TMPRSS7: variants seen among roughly 807,000 people sequenced by gnomAD.
TMPRSS7 encodes the protein transmembrane protease serine 7.
A neutral mutation model predicts 95.6 loss-of-function variants in TMPRSS7; 81 were observed. That is an observed-to-expected ratio of 0.85 (90% CI 0.71 to 1.02). The LOEUF is 1.02. Ranked by LOEUF, TMPRSS7 falls within the 50% of genes least tolerant of loss-of-function variation. The pLI, the probability that TMPRSS7 is intolerant of heterozygous loss-of-function variation, is 0.00. For synonymous variants in TMPRSS7, 364 were observed against 337.8 expected, an observed-to-expected ratio of 1.08 and a Z score of -0.85; for missense variants, 945 against 955.2, an observed-to-expected ratio of 0.99 and a Z score of 0.14.
intron 11 of TMPRSS7, among the ~76,000 whole-genome samples, chr3:112,062,860 A>G (rs891682159): frequency 1.2e-4 from 19 of 152,158 alleles, no homozygotes; most frequent in African/African-American, 4.3e-4. Context: ...ATGTTTACCT[A>G]CGAACTCAGG....
At chr3:112,051,523 CTATCT>C (rs1319008364) in intron 9 of TMPRSS7, among the ~76,000 whole-genome samples, 4 of 50,022 alleles carry the variant, frequency 8.0e-5, no homozygotes, top group African/African-American at 3.0e-4. Context: ...AAATATCTAT[CTATCT>C]ATCTATCTAT....
In TMPRSS7 at chr3:112,076,864, CT is replaced by C. The variant is rs759243094; in HGVS notation, c.1956-11del. The C allele has an allele frequency of 1.8e-5, 29 of 1,611,490 alleles. 1 individual carries two copies. In the Admixed American group the frequency reaches 4.7e-4, roughly 26 times the overall value. ...AAGCTGCTAACTTTATGTTTCATTACTGTTCTATCAGGCTGTCAGATCCCAC... is the reference window on the plus strand; with the variant it reads ...AAGCTGCTAACTTTATGTTTCATTACGTTCTATCAGGCTGTCAGATCCCAC... On this transcript the variant is annotated splice_polypyrimidine_tract_variant and intron_variant, in intron 15 of 17. Coordinates refer to ENST00000452346, the Ensembl canonical transcript of TMPRSS7.
intron 1 of TMPRSS7, 120 bp downstream of exon 1, chr3:112,035,013 T>G (rs922313347): frequency 3.1e-6 from 2 of 637,574 alleles, no homozygotes; most frequent in Admixed American, 5.1e-5. Context: ...TATTTTATCT[T>G]CTTATGGTAA....
intron 16 of TMPRSS7, 132 bp from the exon 17 acceptor site, chr3:112,078,610 G>A (rs2073740446): frequency 8.4e-7 from 1 of 1,196,928 alleles, no homozygotes; most frequent in Admixed American, 2.2e-5. Context: ...GAGGATAATA[G>A]TAGAATTTAC....
chr3:112,078,759 G>C (rs199957122), exon 17 of TMPRSS7: 2 of 1,614,138 alleles, frequency 1.2e-6, no homozygotes, highest in Non-Finnish European at 1.7e-6. Flanking sequence ...AGGCTCCCTC[G>C]TTCTGCAGCA....
At chr3:112,073,066 C>T (rs2073670118) in intron 13 of TMPRSS7, among the ~76,000 whole-genome samples, 1 of 151,290 alleles carries the variant, frequency 6.6e-6, no homozygotes, top group Non-Finnish European at 1.5e-5. Flanking sequence ...TCCATGTCCT[C>T]TCCAGCATCT....
chr3:112,042,453 G>A (rs950031073), intron 3 of TMPRSS7, among the ~76,000 whole-genome samples: 2 of 152,078 alleles, frequency 1.3e-5, no homozygotes, highest in Non-Finnish European at 2.9e-5. Context: ...CTTTCTCATT[G>A]TAGAACTAAT....
At position 112,042,008 on chromosome 3, in the gene TMPRSS7, GT is replaced by G. The variant is rs1270829213; in HGVS notation, c.388del (p.Ser130ProfsTer14). ...TTCTTCCCGAATACCGACAAAAGGA[GT>G]CCAGGGAATTTCTTTCAGTGTCACG... is the stretch of plus-strand genomic sequence containing the variant. On this transcript the variant is annotated frameshift_variant, in exon 3 of 18. Coordinates refer to ENST00000452346, the Ensembl canonical transcript of TMPRSS7. LOFTEE classifies it high-confidence loss of function. 2 of 1,551,504 alleles carry G rather than the reference GT, an allele frequency of 1.3e-6. No homozygotes were observed. Among genetic ancestry groups the G allele is most frequent in the African/African-American group, 2.7e-5 (2 of 73,028 alleles).
intron 7 of TMPRSS7, among the ~76,000 whole-genome samples, chr3:112,049,235 C>T (rs2073315868): frequency 1.3e-5 from 2 of 152,194 alleles, no homozygotes; most frequent in Admixed American, 1.3e-4. Flanking sequence ...GTACTTAAAA[C>T]CCAGAATACT....
rs1241812390 is a variant in TMPRSS7, at chr3:112,063,517, G to A, written c.1448-8G>A. On this transcript the variant is annotated splice_region_variant and splice_polypyrimidine_tract_variant and intron_variant, in intron 11 of 17. Transcript: ENST00000452346. ...ATTTTCTATTTTTTGATTTTTTGTT[G>A]CCCATAGCCTGCCCTGTTGGATCTT... is the stretch of plus-strand genomic sequence containing the variant. 21 of 1,609,476 alleles carry A rather than the reference G, an allele frequency of 1.3e-5. No individual in the cohort carries two copies. The Admixed American group carries it at 3.5e-4, about 27-fold the overall frequency.
In TMPRSS7 at chr3:112,044,614, G is replaced by A. The variant is rs573756264; in HGVS notation, c.497+292G>A. On this transcript the variant is annotated intron_variant, in intron 4 of 17. Transcript: ENST00000452346. ...TTGTCTATCATATTGGGTGGAGGGT[G>A]GAGGCAAAAATAAAGCACAGACCAT... Among the ~76,000 whole-genome samples, 31 of 152,270 alleles carry A rather than the reference G, an allele frequency of 2.0e-4. No homozygotes were observed. In the South Asian group the frequency reaches 5.6e-3, roughly 27 times the overall value.
rs553056622 is a variant in TMPRSS7, at chr3:112,054,764, G to A, written c.1204-2261G>A. ...TTTTTTTTTTTTTTTTTTTTGAGAC[G>A]GAGTCTCGTTCTGTCGCCCACGCTG... On this transcript the variant is annotated intron_variant, in intron 9 of 17. Transcript: ENST00000452346. Among the ~76,000 whole-genome samples the A allele has an allele frequency of 2.9e-4, 18 of 61,798 alleles. No individual in the cohort carries two copies. In the Admixed American group the frequency reaches 3.4e-3, roughly 12 times the overall value. The allele number at this position is 61,798 out of a possible 152,430, so 40.5% of individuals were successfully genotyped here. A position where few individuals can be genotyped will look rare whatever the true frequency, so the allele number is the denominator to read the frequency against.
At chr3:112,044,429 T>C in intron 4 of TMPRSS7, 107 bp downstream of exon 4, 2 of 956,514 alleles carry the variant, frequency 2.1e-6, no homozygotes. Flanking sequence ...TTCTTGGAAG[T>C]GGTTGGGGAT....
At chr3:112,075,594 T>C (rs2073702444) in intron 15 of TMPRSS7, 102 bp downstream of exon 15, 1 of 1,040,178 alleles carries the variant, frequency 9.6e-7, no homozygotes, top group African/African-American at 1.6e-5. Flanking sequence ...GGACATTCAA[T>C]CAATTCAATT....
At chr3:112,066,487 C>A in exon 13 of TMPRSS7, 6 of 1,613,784 alleles carry the variant, frequency 3.7e-6, no homozygotes, top group Non-Finnish European at 5.1e-6. Flanking sequence ...CCGGGATGAG[C>A]AAAACTGCAC....
chr3:112,078,834 ATGCT>A lies in TMPRSS7; in HGVS notation c.2318_2321del (p.Met773ThrfsTer5). 1 of 1,614,158 alleles carries A rather than the reference ATGCT, an allele frequency of 6.2e-7. No individual in the cohort carries two copies. ...CACCTACGGGATCATCACTTCTCGG[ATGCT>A]CTGTGCAGGCATAATGTCAGGCAAG... On this transcript the variant is annotated frameshift_variant, in exon 17 of 18. Coordinates refer to ENST00000452346, the Ensembl canonical transcript of TMPRSS7. LOFTEE classifies it high-confidence loss of function.
chr3:112,063,514 G>C lies in TMPRSS7; in HGVS notation c.1448-11G>C. The C allele has an allele frequency of 6.2e-7, 1 of 1,603,910 alleles. No homozygotes were observed. The highest frequency in any genetic ancestry group is 8.5e-7 in the Non-Finnish European group (1 of 1,174,682). On this transcript the variant is annotated splice_polypyrimidine_tract_variant and intron_variant, in intron 11 of 17. Transcript: ENST00000452346. ...AAGATTTTCTATTTTTTGATTTTTT[G>C]TTGCCCATAGCCTGCCCTGTTGGAT... is the stretch of plus-strand genomic sequence containing the variant.
At chr3:112,056,054 A>C (rs965597969) in intron 9 of TMPRSS7, among the ~76,000 whole-genome samples, 1 of 152,150 alleles carries the variant, frequency 6.6e-6, no homozygotes, top group African/African-American at 2.4e-5. Context: ...AAAAAAGTAA[A>C]AAAAAATAAG....
intron 12 of TMPRSS7, 128 bp downstream of exon 12, chr3:112,063,760 A>C (rs2073542422): frequency 1.3e-6 from 1 of 745,450 alleles, no homozygotes; most frequent in East Asian, 2.6e-5. Context: ...CTACCCCAAA[A>C]CCCAGTGACT....
Sources: gnomAD v4.1 joint callset for allele counts (sites outside exome capture counted in the v4.1 genomes callset) on GRCh38, gnomAD v4.1.1 for gene constraint, MANE v1.5 for transcripts, NCBI Gene and HGNC (gene_info 2026-07-23, HGNC 2026-07-21) for gene names.